The following DENND1A variants were observed in gnomAD, a reference collection of about 807,000 sequenced individuals.
The protein encoded by DENND1A is DENN domain-containing protein 1A.
In DENND1A, 51 loss-of-function variants were observed where a neutral mutation model predicts 113.7. That is an observed-to-expected ratio of 0.45 (90% CI 0.36 to 0.57). DENND1A has a LOEUF of 0.57. Ranked by LOEUF, DENND1A falls within the 20% of genes least tolerant of loss-of-function variation. The pLI, the probability that DENND1A is intolerant of heterozygous loss-of-function variation, is 0.00. For missense variants in DENND1A, 1,258 were observed against 1,395.9 expected, an observed-to-expected ratio of 0.90 and a Z score of 1.57; for synonymous variants, 565 against 570.8, an observed-to-expected ratio of 0.99 and a Z score of 0.14.
chr9:123,682,513 C>T (rs1235386772), intron 5 of DENND1A, among the ~76,000 whole-genome samples: 1 of 152,072 alleles, frequency 6.6e-6, no homozygotes, highest in African/African-American at 2.4e-5. Context: ...GCAAAGCATC[C>T]CTTGGTTAAG....
intron 10 of DENND1A, among the ~76,000 whole-genome samples, chr9:123,628,586 T>C (rs913249915): frequency 2.0e-5 from 3 of 152,156 alleles, no homozygotes; most frequent in East Asian, 1.9e-4. Flanking sequence ...TAATGTCACA[T>C]GGTGAATCTG....
intron 12 of DENND1A, among the ~76,000 whole-genome samples, chr9:123,573,247 T>C (rs2058456430): frequency 3.3e-5 from 5 of 152,178 alleles, no homozygotes; most frequent in Non-Finnish European, 5.9e-5. Flanking sequence ...TCTTTCAACA[T>C]TGTTTTGGCT....
intron 21 of DENND1A, chr9:123,401,637 A>G (rs1312442618): frequency 9.0e-6 from 13 of 1,443,614 alleles, no homozygotes; most frequent in Non-Finnish European, 1.1e-5. Context: ...TTCCAACAGA[A>G]GTAGAAAACA....
chr9:123,528,217 A>G (rs920807148), intron 13 of DENND1A, among the ~76,000 whole-genome samples: 7 of 152,204 alleles, frequency 4.6e-5, no homozygotes, highest in African/African-American at 1.7e-4. Context: ...TCCTCCAAAG[A>G]CATTAAATTA....
At chr9:123,531,297 A>G (rs80017794) in intron 13 of DENND1A, among the ~76,000 whole-genome samples, 105 of 152,216 alleles carry the variant, frequency 6.9e-4, no homozygotes, top group Non-Finnish European at 1.4e-3. Context: ...CTCTGCTTTC[A>G]TTATTTTCCC....
chr9:123,440,261 GA>G, intron 19 of DENND1A, 98 bp downstream of exon 19: 1 of 1,351,478 alleles, frequency 7.4e-7, no homozygotes, highest in Non-Finnish European at 9.8e-7. Context: ...CTGCCAAAGA[GA>G]ACTGAAATGA....
intron 2 of DENND1A, among the ~76,000 whole-genome samples, chr9:123,796,756 TACACAC>T (rs370185315): frequency 1.3e-3 from 185 of 141,598 alleles, no homozygotes; most frequent in South Asian, 2.5e-3. Context: ...TATGTGTACA[TACACAC>T]ACACACACAC....
rs2044322533 is a variant in DENND1A, at chr9:123,411,765, C to T, written c.1542+11G>A. Reference sequence around the variant, plus strand: ...TGTTAGGTGGGGAGGGCAGAACCACCAGCTACTCACGGGCCTCGAGCGCTG... The same window carrying T: ...TGTTAGGTGGGGAGGGCAGAACCACTAGCTACTCACGGGCCTCGAGCGCTG... On this transcript the variant is annotated intron_variant, in intron 20 of 23. Coordinates refer to ENST00000394215, the MANE Select transcript of DENND1A (RefSeq NM_001352964.2). The T allele has an allele frequency of 6.1e-6, 6 of 985,854 alleles. No individual in the cohort carries two copies. In the South Asian group the frequency reaches 2.3e-4, roughly 39 times the overall value. 61.1% of individuals were successfully genotyped at this position (985,854 alleles called of 1,614,324 possible).
At chr9:123,810,916 G>A (rs371443464) in intron 2 of DENND1A, among the ~76,000 whole-genome samples, 4 of 152,070 alleles carry the variant, frequency 2.6e-5, no homozygotes, top group East Asian at 1.9e-4. Flanking sequence ...CTACCACCAC[G>A]CCCGGCTAAT....
intron 21 of DENND1A, chr9:123,400,928 G>T (rs909408202): frequency 6.6e-6 from 1 of 152,194 alleles, no homozygotes; most frequent in African/African-American, 2.4e-5. Context: ...CCACTTCAAA[G>T]ATCCTGCATC....
At chr9:123,699,494 AC>A (rs2065740993) in intron 5 of DENND1A, among the ~76,000 whole-genome samples, 2 of 151,608 alleles carry the variant, frequency 1.3e-5, no homozygotes, top group Admixed American at 1.3e-4. Flanking sequence ...CCTCAAGCTC[AC>A]CCCGTCCCCA....
rs376509867 is a variant in DENND1A at position 123,505,151 on chromosome 9, C to T, written c.994-47254G>A. ...ACCTAACATATTTTAGCAGCTACAA[C>T]TCCCTGCGTGAGATATTCTATATGG... On this transcript the variant is annotated intron_variant, in intron 13 of 23. Coordinates refer to ENST00000394215, the MANE Select transcript of DENND1A (RefSeq NM_001352964.2). Among the ~76,000 whole-genome samples the T allele has an allele frequency of 1.5e-4, 23 of 152,328 alleles. No individual in the cohort carries two copies. In the East Asian group the frequency reaches 1.7e-3, roughly 11 times the overall value.
chr9:123,642,195 A>G (rs2062067655), intron 9 of DENND1A, among the ~76,000 whole-genome samples: 2 of 152,240 alleles, frequency 1.3e-5, no homozygotes, highest in South Asian at 4.1e-4. Flanking sequence ...TTCACACATA[A>G]TTAAATGAAG....
At chr9:123,665,355 G>A (rs1408408523) in intron 8 of DENND1A, among the ~76,000 whole-genome samples, 1 of 152,038 alleles carries the variant, frequency 6.6e-6, no homozygotes, top group Non-Finnish European at 1.5e-5. Context: ...ATAATATTTC[G>A]AGTAGTAGTA....
At chr9:123,611,789 T>C (rs899931508) in intron 10 of DENND1A, among the ~76,000 whole-genome samples, 3 of 152,158 alleles carry the variant, frequency 2.0e-5, no homozygotes, top group East Asian at 1.9e-4. Context: ...AACTTAACCA[T>C]AGGATCTTAT....
chr9:123,456,384 G>A (rs745451387), intron 15 of DENND1A, among the ~76,000 whole-genome samples: 1 of 152,130 alleles, frequency 6.6e-6, no homozygotes, highest in Non-Finnish European at 1.5e-5. Context: ...GGTCAGACTG[G>A]GATTCAGGAG....
At chr9:123,730,333 G>A (rs2068065967) in intron 5 of DENND1A, among the ~76,000 whole-genome samples, 1 of 152,070 alleles carries the variant, frequency 6.6e-6, no homozygotes, top group Non-Finnish European at 1.5e-5. Context: ...CCTACAGAAT[G>A]GGAGAAAATT....
At chr9:123,718,756 T>A (rs2067141431) in intron 5 of DENND1A, among the ~76,000 whole-genome samples, 1 of 152,322 alleles carries the variant, frequency 6.6e-6, no homozygotes, top group East Asian at 1.9e-4. Context: ...GTTGGGACAA[T>A]GTTCTTTTCA....
chr9:123,519,227 C>A (rs191385920), intron 13 of DENND1A, among the ~76,000 whole-genome samples: 4 of 152,322 alleles, frequency 2.6e-5, no homozygotes, highest in African/African-American at 9.6e-5. Context: ...CGGTCTGTCT[C>A]CTTGTTTACT....
Sources: gnomAD v4.1 joint callset for allele counts (sites outside exome capture counted in the v4.1 genomes callset) on GRCh38, gnomAD v4.1.1 for gene constraint, MANE v1.5 for transcripts, NCBI Gene and HGNC (gene_info 2026-07-23, HGNC 2026-07-21) for gene names.